Variants in MAP3K20 observed in about 807,000 individuals in gnomAD.
MAP3K20 encodes the protein mitogen-activated protein kinase kinase kinase 20.
A neutral mutation model predicts 85.7 loss-of-function variants in MAP3K20; 40 were observed. The observed-to-expected ratio is 0.47, with a 90% CI of 0.36 to 0.61. The LOEUF (loss-of-function observed/expected upper bound fraction) is 0.61, where lower values mean the gene tolerates loss of function less well. Ranked by LOEUF, MAP3K20 falls within the 20% of genes least tolerant of loss-of-function variation. The probability of loss-of-function intolerance (pLI) is 0.00; values close to 1 mark genes in which losing one functional copy is unlikely to be tolerated. For missense variants in MAP3K20, 817 were observed against 961.7 expected, an observed-to-expected ratio of 0.85 and a Z score of 1.99; for synonymous variants, 325 against 327.7, an observed-to-expected ratio of 0.99 and a Z score of 0.09.
intron 16 of MAP3K20, among the ~76,000 whole-genome samples, chr2:173,252,988 A>G (rs545252456): frequency 2.4e-4 from 36 of 152,284 alleles, no homozygotes; most frequent in African/African-American, 8.4e-4. Context: ...GAAACTGGCC[A>G]TTGTTATGTT....
intron 2 of MAP3K20, among the ~76,000 whole-genome samples, chr2:173,124,395 T>A (rs2106191737): frequency 1.3e-5 from 2 of 152,174 alleles, no homozygotes; most frequent in East Asian, 3.9e-4. Flanking sequence ...AGGAGCAGAT[T>A]GGAAGAGGGC....
intron 16 of MAP3K20, among the ~76,000 whole-genome samples, chr2:173,245,376 G>A (rs1684889397): frequency 6.6e-6 from 1 of 152,120 alleles, no homozygotes; most frequent in Non-Finnish European, 1.5e-5. Context: ...TCATAATCAG[G>A]AGTGGCTGCA....
At chr2:173,158,498 G>A (rs1053263911) in intron 2 of MAP3K20, among the ~76,000 whole-genome samples, 1 of 152,128 alleles carries the variant, frequency 6.6e-6, no homozygotes, top group Non-Finnish European at 1.5e-5. Context: ...TGAGAGTCAA[G>A]TAAGATAAAT....
chr2:173,137,045 A>T (rs914970954), intron 2 of MAP3K20, among the ~76,000 whole-genome samples: 6 of 152,200 alleles, frequency 3.9e-5, no homozygotes, highest in African/African-American at 1.4e-4. Flanking sequence ...AATTTTTGGA[A>T]GATTGGTCTT....
intron 2 of MAP3K20, among the ~76,000 whole-genome samples, chr2:173,138,168 A>T (rs1331891789): frequency 6.6e-6 from 1 of 152,066 alleles, no homozygotes; most frequent in Non-Finnish European, 1.5e-5. Flanking sequence ...ACGGGGTTTC[A>T]TTATGTTAGC....
At position 173,266,278 on chromosome 2, in the gene MAP3K20, C is replaced by T. The variant is rs779273174; in HGVS notation, c.1931C>T (p.Thr644Ile). The change falls in exon 20 of 20, where the codon ACC (threonine) becomes ATC (isoleucine). Residue 644 changes from threonine (T) to isoleucine (I), a missense_variant. Coordinates refer to ENST00000375213, the MANE Select transcript of MAP3K20 (RefSeq NM_016653.3). ...RSSSPTQYGL[T>I]KNFSSLHLNS... ...TCGTCTCCTACTCAGTATGGACTGA[C>T]CAAAAACTTCTCTTCCCTACATCTC... 11 of 1,614,078 alleles carry T rather than the reference C, an allele frequency of 6.8e-6. No individual in the cohort carries two copies. The highest frequency in any genetic ancestry group is 9.3e-6 in the Non-Finnish European group (11 of 1,180,010).
At chr2:173,210,046 G>C (rs553402122) in intron 10 of MAP3K20, 4 of 554,134 alleles carry the variant, frequency 7.2e-6, no homozygotes, top group East Asian at 6.3e-5. Context: ...GTTGCCTTGT[G>C]TAAGTATTTG....
intron 2 of MAP3K20, among the ~76,000 whole-genome samples, chr2:173,095,849 G>A (rs1687441903): frequency 6.6e-6 from 1 of 152,084 alleles, no homozygotes; most frequent in East Asian, 1.9e-4. Context: ...TATGATCCCA[G>A]GTATAGGTTT....
At chr2:173,262,514 C>A (rs944266493) in intron 18 of MAP3K20, among the ~76,000 whole-genome samples, 3 of 151,872 alleles carry the variant, frequency 2.0e-5, no homozygotes, top group Non-Finnish European at 2.9e-5. Flanking sequence ...GCAGGAGAAT[C>A]GCTTGAACCC....
rs1242113220 is a variant in MAP3K20 at position 173,266,139 on chromosome 2, G to A, written c.1792G>A (p.Gly598Arg). The change falls in exon 20 of 20, where the codon GGG becomes AGG. Residue 598 changes from glycine (G) to arginine (R), a missense_variant. By Grantham distance (125) the Gly-to-Arg change is moderately radical (BLOSUM62 -2). This residue lies in a region of MAP3K20 where 454 missense variants were observed against 476.9 expected (regional missense o/e 0.95). Coordinates refer to ENST00000375213, the MANE Select transcript of MAP3K20 (RefSeq NM_016653.3). Reference sequence around the variant, plus strand: ...GCGTTCCCAGAGCAATCCTATTCTGGGGTCACCGTTCTTCTCACACTTTGA... The same window carrying A: ...GCGTTCCCAGAGCAATCCTATTCTGAGGTCACCGTTCTTCTCACACTTTGA... ...LQRSQSNPIL[G>R]SPFFSHFDGQ... The A allele has an allele frequency of 1.2e-6, 2 of 1,613,596 alleles. No individual in the cohort carries two copies. The highest frequency in any genetic ancestry group is 2.2e-5 in the South Asian group (2 of 90,942).
At chr2:173,218,886 T>C (rs1684153453) in intron 11 of MAP3K20, among the ~76,000 whole-genome samples, 1 of 152,220 alleles carries the variant, frequency 6.6e-6, no homozygotes, top group African/African-American at 2.4e-5. Context: ...GTGTGCTCGG[T>C]AGGTTGCCTG....
Position 173,261,128 on chromosome 2 carries a change from C to G in MAP3K20, c.1542C>G (p.Val514=), listed in dbSNP as rs1043157507. The change falls in exon 18 of 20, where the codon GTC becomes GTG. Residue 514 remains valine (V), a synonymous_variant. Coordinates refer to ENST00000375213, the MANE Select transcript of MAP3K20 (RefSeq NM_016653.3). ...IAKSQTVECT[V]TYESDVRTPK... ...AAAGTCAGACTGTGGAGTGCACTGT[C>G]ACATATGAGGTAAGCTCTGGGGGCA... 4.3e-6 allele frequency: 7 copies of G among 1,613,420 alleles called. No homozygotes were observed. In the African/African-American group the frequency reaches 9.3e-5, roughly 22 times the overall value.
intron 18 of MAP3K20, among the ~76,000 whole-genome samples, chr2:173,262,020 GAA>G (rs34274087): frequency 5.0e-5 from 7 of 138,960 alleles, no homozygotes; most frequent in South Asian, 2.3e-4. Flanking sequence ...CCTGTCTCCA[GAA>G]AAAAAAAAAA....
intron 2 of MAP3K20, among the ~76,000 whole-genome samples, chr2:173,145,193 A>G (rs1235629298): frequency 6.6e-6 from 1 of 151,928 alleles, no homozygotes. Flanking sequence ...GACAAACCAT[A>G]ACAGGTACTA....
At chr2:173,092,365 A>G (rs1160733178) in intron 2 of MAP3K20, among the ~76,000 whole-genome samples, 3 of 152,232 alleles carry the variant, frequency 2.0e-5, no homozygotes, top group Non-Finnish European at 4.4e-5. Context: ...AAAAATTTTT[A>G]ATGGTAGCCA....
intron 2 of MAP3K20, among the ~76,000 whole-genome samples, chr2:173,135,324 G>C (rs1471261722): frequency 6.6e-6 from 1 of 152,030 alleles, no homozygotes; most frequent in African/African-American, 2.4e-5. Context: ...TGTAACAGTC[G>C]GAAGAGTAAT....
In MAP3K20 at chr2:173,090,001, T is replaced by C. The variant is rs112325851; in HGVS notation, c.-34-997T>C. 4.1e-3 allele frequency among the ~76,000 whole-genome samples: 623 copies of C among 152,362 alleles called. 6 individuals carry two copies. Among genetic ancestry groups the C allele is most frequent in the Non-Finnish European group, 6.3e-3 (430 of 68,028 alleles). On this transcript the variant is annotated intron_variant, in intron 1 of 19. Coordinates refer to ENST00000375213, the MANE Select transcript of MAP3K20 (RefSeq NM_016653.3). The stretch of plus-strand genomic sequence containing the variant: ...TGTTTTGTAGAATGTCCTAGAAATA[T>C]AGATTTGTCCCTCTTAAGGTTTTGG...
At chr2:173,130,364 A>T (rs1194847215) in intron 2 of MAP3K20, among the ~76,000 whole-genome samples, 2 of 152,228 alleles carry the variant, frequency 1.3e-5, no homozygotes, top group Non-Finnish European at 2.9e-5. Flanking sequence ...TGCTTAATGA[A>T]GAACTGCCCT....
At chr2:173,089,851 G>A (rs1393784874) in intron 1 of MAP3K20, among the ~76,000 whole-genome samples, 1 of 152,132 alleles carries the variant, frequency 6.6e-6, no homozygotes, top group African/African-American at 2.4e-5. Flanking sequence ...GGGATTACAG[G>A]CGTGAGCCAC....
Sources: gnomAD v4.1 joint callset for allele counts (sites outside exome capture counted in the v4.1 genomes callset) on GRCh38, gnomAD v4.1.1 for gene constraint, gnomAD v4.1.1 regional missense constraint, MANE v1.5 for transcripts, NCBI Gene and HGNC (gene_info 2026-07-23, HGNC 2026-07-21) for gene names.